NEK6: variants seen among roughly 807,000 people sequenced by gnomAD.
The protein encoded by NEK6 is serine/threonine-protein kinase Nek6.
NEK6 carries 27 observed loss-of-function variants against 43.5 expected under a neutral mutation model. That is an observed-to-expected ratio of 0.62 (90% CI 0.46 to 0.86). NEK6 has a LOEUF of 0.86. NEK6 is among the 40% of genes least tolerant of loss of function. NEK6 has a pLI of 0.00. For missense variants in NEK6, 318 were observed against 414.4 expected (o/e 0.77, Z 2.02); for synonymous variants, 167 against 164.1 (o/e 1.02, Z -0.14).
intron 4 of NEK6, among the ~76,000 whole-genome samples, chr9:124,320,773 C>G (rs541119332): frequency 6.6e-4 from 100 of 152,248 alleles, no homozygotes; most frequent in African/African-American, 2.2e-3. Context: ...CCGGGCAGCT[C>G]TCATGCCTCC....
At chr9:124,321,990 G>A (rs1163778037) in intron 5 of NEK6, among the ~76,000 whole-genome samples, 2 of 152,210 alleles carry the variant, frequency 1.3e-5, no homozygotes, top group African/African-American at 4.8e-5. Context: ...GCAGCACCCC[G>A]TTTGGTCAGA....
chr9:124,331,922 A>C (rs1829018518), intron 7 of NEK6, among the ~76,000 whole-genome samples: 1 of 152,230 alleles, frequency 6.6e-6, no homozygotes, highest in Non-Finnish European at 1.5e-5. Flanking sequence ...TGATCCTGTC[A>C]GTCCCTCGGG....
upstream of NEK6, chr9:124,257,669 C>A: frequency 6.5e-7 from 1 of 1,526,776 alleles, no homozygotes; most frequent in Non-Finnish European, 8.8e-7. Context: ...GACTGCAGAC[C>A]CTCATCATAA....
intron 4 of NEK6, among the ~76,000 whole-genome samples, chr9:124,321,225 T>C (rs1834051367): frequency 6.6e-6 from 1 of 152,252 alleles, no homozygotes; most frequent in Non-Finnish European, 1.5e-5. Flanking sequence ...TTCAAAACAT[T>C]ATGCCAGTTT....
At chr9:124,258,159 G>A (rs1307804347) in intron 1 of NEK6, 74 bp downstream of exon 1, 2 of 976,718 alleles carry the variant, frequency 2.0e-6, no homozygotes, top group Non-Finnish European at 2.4e-6. Flanking sequence ...GGGCGGCGGG[G>A]CCGTCACCCC....
chr9:124,287,946 G>T (rs1832235195), intron 1 of NEK6, among the ~76,000 whole-genome samples: 1 of 152,236 alleles, frequency 6.6e-6, no homozygotes, highest in African/African-American at 2.4e-5. Context: ...CACGGGCCAA[G>T]ATTTATTTTA....
intron 1 of NEK6, among the ~76,000 whole-genome samples, chr9:124,262,342 G>T (rs1033577421): frequency 6.6e-6 from 1 of 152,256 alleles, no homozygotes; most frequent in Non-Finnish European, 1.5e-5. Flanking sequence ...CAGAGGAGCC[G>T]ACATTGGGGC....
rs536290603 is a variant in NEK6 at position 124,346,835 on chromosome 9, C to T, written c.718-874C>T. 3.9e-5 allele frequency among the ~76,000 whole-genome samples: 6 copies of T among 152,336 alleles called. No individual in the cohort carries two copies. The East Asian group carries it at 7.7e-4, about 20-fold the overall frequency. ...CCGCCCCACAGGCCTTTCGCTCCCC[C>T]GTGGCTGTGGCCGGCCTTCAGGGCA... On this transcript the variant is annotated intron_variant, in intron 8 of 9. Transcript: ENST00000320246.
At chr9:124,332,797 G>A (rs570962003) in intron 7 of NEK6, among the ~76,000 whole-genome samples, 2 of 152,256 alleles carry the variant, frequency 1.3e-5, no homozygotes, top group Admixed American at 6.5e-5. Context: ...TTCAGATCCC[G>A]CATTCTCCTC....
intron 1 of NEK6, among the ~76,000 whole-genome samples, chr9:124,289,667 G>T (rs996717255): frequency 6.6e-6 from 1 of 152,188 alleles, no homozygotes; most frequent in South Asian, 2.1e-4. Flanking sequence ...AAAAGATCTG[G>T]TTTTCTAGTG....
chr9:124,340,401 G>A (rs772530871), intron 8 of NEK6, among the ~76,000 whole-genome samples: 23 of 152,212 alleles, frequency 1.5e-4, no homozygotes, highest in South Asian at 2.1e-4. Flanking sequence ...GTTCTCCGGT[G>A]TCCAGGTTGG....
chr9:124,314,866 A>G (rs113450157), intron 4 of NEK6, among the ~76,000 whole-genome samples: 6,820 of 151,996 alleles, frequency 0.045, 224 homozygotes, highest in African/African-American at 0.095. Flanking sequence ...CACCATGTTG[A>G]CCAGCCTGGT....
chr9:124,349,571 A>G (rs1830140147), intron 9 of NEK6, among the ~76,000 whole-genome samples: 1 of 152,312 alleles, frequency 6.6e-6, no homozygotes, highest in Non-Finnish European at 1.5e-5. Context: ...TTAAAGTTAT[A>G]TCGCTGCTTA....
At chr9:124,300,444 G>A (rs550246820) in intron 1 of NEK6, among the ~76,000 whole-genome samples, 27 of 152,286 alleles carry the variant, frequency 1.8e-4, no homozygotes, top group Middle Eastern at 3.4e-3. Context: ...AGCAGACCGG[G>A]GGAAGACTCT....
chr9:124,328,523 C>G (rs759588559), intron 7 of NEK6, among the ~76,000 whole-genome samples: 1 of 152,170 alleles, frequency 6.6e-6, no homozygotes, highest in African/African-American at 2.4e-5. Flanking sequence ...AGGAGCTGCC[C>G]GCCGCCTCCT....
rs75972566 is a variant in NEK6, at chr9:124,274,040, A to G, written c.-30+15955A>G. 7.9e-5 allele frequency among the ~76,000 whole-genome samples: 12 copies of G among 152,294 alleles called. No individual in the cohort carries two copies. In the East Asian group the frequency reaches 2.3e-3, roughly 29 times the overall value. On this transcript the variant is annotated intron_variant, in intron 1 of 9. Transcript: ENST00000320246. Reference sequence around the variant, plus strand: ...GAATTACCGCCATCACTTCTGTGGGATGAGATGGGCCCTTTGGAACTGTCT... The same window carrying G: ...GAATTACCGCCATCACTTCTGTGGGGTGAGATGGGCCCTTTGGAACTGTCT...
chr9:124,286,076 C>G (rs1167039646), intron 1 of NEK6, among the ~76,000 whole-genome samples: 3 of 152,148 alleles, frequency 2.0e-5, no homozygotes, highest in Non-Finnish European at 4.4e-5. Context: ...TTCCCCCCTC[C>G]CTGCCCTCCC....
chr9:124,287,338 C>T lies in NEK6; in HGVS notation c.-29-14598C>T, dbSNP rs1832211253. Among the ~76,000 whole-genome samples the T allele has an allele frequency of 2.6e-5, 4 of 152,346 alleles. No individual in the cohort carries two copies. The South Asian group carries it at 8.3e-4, about 32-fold the overall frequency. ...GATGGGTGCCAAGGTGGGCCTGGAG[C>T]ACGACGTAGGCAGACACGGGGCCGA... On this transcript the variant is annotated intron_variant, in intron 1 of 9. Coordinates refer to ENST00000320246, the MANE Select transcript of NEK6 (RefSeq NM_014397.6).
At chr9:124,271,375 A>T (rs766795417) in intron 1 of NEK6, among the ~76,000 whole-genome samples, 27 of 152,142 alleles carry the variant, frequency 1.8e-4, no homozygotes, top group Non-Finnish European at 3.5e-4. Context: ...CCAGCCCCAA[A>T]ATGGGGAGGC....
Sources: allele counts gnomAD v4.1 joint callset (sites outside exome capture counted in the v4.1 genomes callset), GRCh38; gene constraint gnomAD v4.1.1; transcripts MANE v1.5; gene names NCBI Gene and HGNC (gene_info 2026-07-23, HGNC 2026-07-21).